Variants in STAG1 observed in about 807,000 individuals in gnomAD.
STAG1 encodes the protein cohesin subunit SA-1.
In STAG1, 26 loss-of-function variants were observed where a neutral mutation model predicts 170.9. That is an observed-to-expected ratio of 0.15 (90% CI 0.11 to 0.21). The LOEUF is 0.21. Among genes scored for constraint, STAG1 ranks in the 10% least tolerant of loss-of-function variants. The pLI, the probability that STAG1 is intolerant of heterozygous loss-of-function variation, is 1.00. For synonymous variants in STAG1, 514 were observed against 497.7 expected (o/e 1.03, Z -0.44); for missense variants, 964 against 1,509.5 (o/e 0.64, Z 5.99).
chr3:136,451,776 A>C (rs552164524), intron 14 of STAG1, among the ~76,000 whole-genome samples: 1 of 152,182 alleles, frequency 6.6e-6, no homozygotes, highest in African/African-American at 2.4e-5. Context: ...AGAAAAAAAA[A>C]AAAAGATATG....
At position 136,574,330 on chromosome 3, in the gene STAG1, A is replaced by G. The variant is rs146167258; in HGVS notation, c.298-5469T>C. On this transcript the variant is annotated intron_variant, in intron 4 of 33. Transcript: ENST00000383202. Reference sequence around the variant, plus strand: ...AGGCCACAATAAAGGATATATATGTATGTGTGTGTGTATACACACACACAC... The same window carrying G: ...AGGCCACAATAAAGGATATATATGTGTGTGTGTGTGTATACACACACACAC... Among the ~76,000 whole-genome samples the G allele has an allele frequency of 8.6e-3, 1,298 of 150,862 alleles. 22 individuals are homozygous for G. Among genetic ancestry groups the G allele is most frequent in the African/African-American group, 0.03 (1,236 of 41,172 alleles).
chr3:136,489,567 A>G (rs756092249), intron 9 of STAG1, among the ~76,000 whole-genome samples: 5 of 152,214 alleles, frequency 3.3e-5, no homozygotes, highest in Non-Finnish European at 7.3e-5. Context: ...GAATGGCCAA[A>G]AAAGGCACAC....
intron 4 of STAG1, among the ~76,000 whole-genome samples, chr3:136,579,032 G>A (rs537435575): frequency 4.9e-4 from 75 of 152,330 alleles, no homozygotes; most frequent in Non-Finnish European, 3.2e-4. Context: ...CTTGAAAGAA[G>A]CAGGGGTGGT....
intron 6 of STAG1, among the ~76,000 whole-genome samples, chr3:136,522,851 G>C (rs907555697): frequency 4.0e-5 from 6 of 151,776 alleles, no homozygotes; most frequent in African/African-American, 1.5e-4. Context: ...AGTTTCCTGA[G>C]AATGATGGTT....
At chr3:136,381,130 A>C (rs1937938582) in intron 22 of STAG1, among the ~76,000 whole-genome samples, 1 of 152,030 alleles carries the variant, frequency 6.6e-6, no homozygotes, top group Non-Finnish European at 1.5e-5. Flanking sequence ...AGATATCTTG[A>C]AGATGTCTAG....
chr3:136,729,058 G>A (rs1425838243), intron 1 of STAG1, among the ~76,000 whole-genome samples: 1 of 152,144 alleles, frequency 6.6e-6, no homozygotes, highest in African/African-American at 2.4e-5. Flanking sequence ...TTGGCTCACC[G>A]CAGCCTCTGC....
intron 5 of STAG1, among the ~76,000 whole-genome samples, chr3:136,567,836 C>T (rs1937138463): frequency 6.6e-6 from 1 of 152,210 alleles, no homozygotes; most frequent in Admixed American, 6.5e-5. Context: ...ACTAAACAGT[C>T]ATTAAATAGT....
intron 13 of STAG1, 51 bp from the exon 14 acceptor site, chr3:136,452,198 T>A (rs2088963110): frequency 8.8e-7 from 1 of 1,132,244 alleles, no homozygotes; most frequent in Non-Finnish European, 1.3e-6. Context: ...TGAACTTTAG[T>A]CTTCCCTCAA....
At chr3:136,341,720 C>A (rs1353735639) in intron 30 of STAG1, among the ~76,000 whole-genome samples, 169 bp from the exon 31 acceptor site, 3 of 152,174 alleles carry the variant, frequency 2.0e-5, no homozygotes, top group African/African-American at 7.2e-5. Context: ...CCAAAGATAT[C>A]TGTAAGTCTC....
intron 1 of STAG1, among the ~76,000 whole-genome samples, chr3:136,749,300 G>C (rs1576848259): frequency 6.6e-6 from 1 of 152,282 alleles, no homozygotes; most frequent in African/African-American, 2.4e-5. Flanking sequence ...ACTGACTCCT[G>C]CTAGCATGGA....
chr3:136,366,390 T>C (rs1037347947), intron 25 of STAG1, among the ~76,000 whole-genome samples: 9 of 152,160 alleles, frequency 5.9e-5, no homozygotes, highest in African/African-American at 2.2e-4. Context: ...ACTCTTAATC[T>C]GTAAGCTCCT....
intron 15 of STAG1, among the ~76,000 whole-genome samples, chr3:136,435,734 A>G (rs2088440931): frequency 6.6e-6 from 1 of 151,758 alleles, no homozygotes; most frequent in African/African-American, 2.4e-5. Context: ...CAGTGAGGCT[A>G]TCTTGGCTCA....
chr3:136,682,629 A>T (rs866056998), intron 1 of STAG1, among the ~76,000 whole-genome samples: 1 of 152,064 alleles, frequency 6.6e-6, no homozygotes, highest in Non-Finnish European at 1.5e-5. Flanking sequence ...AAAGAATTCC[A>T]TTTACAATAC....
intron 3 of STAG1, among the ~76,000 whole-genome samples, chr3:136,611,941 GGGTT>G (rs1195595526): frequency 6.6e-6 from 1 of 151,812 alleles, no homozygotes. Flanking sequence ...TCCGCCTCCT[GGGTT>G]CACGCCATTC....
At chr3:136,628,921 T>TA (rs1232197195) in intron 2 of STAG1, among the ~76,000 whole-genome samples, 1 of 152,182 alleles carries the variant, frequency 6.6e-6, no homozygotes, top group Non-Finnish European at 1.5e-5. Context: ...ATAATAAGGA[T>TA]AATCACTAGA....
intron 21 of STAG1, among the ~76,000 whole-genome samples, chr3:136,409,486 G>A (rs1022161038): frequency 4.6e-5 from 7 of 151,874 alleles, no homozygotes; most frequent in Non-Finnish European, 8.8e-5. Context: ...ACAGGAGCAC[G>A]CCACTATGCT....
At chr3:136,739,511 A>AG (rs1390516947) in intron 1 of STAG1, among the ~76,000 whole-genome samples, 1 of 148,846 alleles carries the variant, frequency 6.7e-6, no homozygotes, top group African/African-American at 2.5e-5. Context: ...GTCAAAAAAA[A>AG]AAAAAAAAGA....
At chr3:136,733,566 C>T (rs1233236523) in intron 1 of STAG1, among the ~76,000 whole-genome samples, 2 of 152,224 alleles carry the variant, frequency 1.3e-5, no homozygotes, top group South Asian at 2.1e-4. Flanking sequence ...GACAGAAACA[C>T]GCAATTAGAA....
In STAG1 at chr3:136,715,592, C is replaced by G. The variant is rs145420856; in HGVS notation, c.-84+36603G>C. ...CCGAGATCACACCACTGCACTCCAG[C>G]CTGGTGACAGAACAAGACTCCATTT... On this transcript the variant is annotated intron_variant, in intron 1 of 33. Coordinates refer to ENST00000383202, the MANE Select transcript of STAG1 (RefSeq NM_005862.3). 6.4e-3 allele frequency among the ~76,000 whole-genome samples: 970 copies of G among 151,734 alleles called. 10 individuals carry two copies. The highest frequency in any genetic ancestry group is 0.023 in the African/African-American group (941 of 41,378).
Sources: gnomAD v4.1 joint callset for allele counts (sites outside exome capture counted in the v4.1 genomes callset) on GRCh38, gnomAD v4.1.1 for gene constraint, MANE v1.5 for transcripts, NCBI Gene and HGNC (gene_info 2026-07-23, HGNC 2026-07-21) for gene names.